CHRM3: variants seen among roughly 807,000 people sequenced by gnomAD.
CHRM3 encodes cholinergic receptor muscarinic 3.
Under a neutral mutation model 41.8 loss-of-function variants are expected in CHRM3, and 11 were observed. The observed-to-expected ratio is 0.26, with a 90% CI of 0.17 to 0.44. The LOEUF (loss-of-function observed/expected upper bound fraction) is 0.44, where lower values mean the gene tolerates loss of function less well. CHRM3 is among the 20% of genes least tolerant of loss of function. CHRM3 has a pLI of 1.00. For synonymous variants in CHRM3, 297 were observed against 301.4 expected (o/e 0.99, Z 0.15); for missense variants, 571 against 745.4 (o/e 0.77, Z 2.72).
chr1:239,829,295 C>T (rs907700310), intron 6 of CHRM3, among the ~76,000 whole-genome samples: 3 of 152,124 alleles, frequency 2.0e-5, no homozygotes, highest in African/African-American at 7.2e-5. Context: ...CTGTGCCTCT[C>T]CTACCAAAAG....
At chr1:239,413,570 G>A (rs1661275550) in intron 1 of CHRM3, among the ~76,000 whole-genome samples, 1 of 152,276 alleles carries the variant, frequency 6.6e-6, no homozygotes, top group East Asian at 1.9e-4. Context: ...TTACAGGCGT[G>A]AGCCACCACA....
chr1:239,543,830 G>A (rs1404645395), intron 2 of CHRM3, among the ~76,000 whole-genome samples: 2 of 152,014 alleles, frequency 1.3e-5, no homozygotes, highest in Non-Finnish European at 2.9e-5. Context: ...TTTATAAGGG[G>A]TCAGATAGGA....
intron 5 of CHRM3, among the ~76,000 whole-genome samples, chr1:239,762,785 A>G (rs531403846): frequency 1.1e-3 from 160 of 152,344 alleles, no homozygotes; most frequent in African/African-American, 3.6e-3. Flanking sequence ...AAATGAAACT[A>G]CAAGGTATTT....
chr1:239,519,852 A>G (rs890861046), intron 2 of CHRM3, among the ~76,000 whole-genome samples: 5 of 140,766 alleles, frequency 3.6e-5, no homozygotes, highest in African/African-American at 5.4e-5. Context: ...GGTTCACGCC[A>G]TTCTCCTGCC....
intron 1 of CHRM3, among the ~76,000 whole-genome samples, chr1:239,423,053 C>T (rs549732708): frequency 2.6e-5 from 4 of 152,218 alleles, no homozygotes; most frequent in Admixed American, 6.5e-5. Context: ...TCTTTTCCTT[C>T]TTATCTGTCA....
intron 1 of CHRM3, among the ~76,000 whole-genome samples, chr1:239,459,200 C>T (rs1665177970): frequency 1.3e-5 from 2 of 151,954 alleles, no homozygotes; most frequent in African/African-American, 4.8e-5. Flanking sequence ...AATCTGGAGT[C>T]CTTTTTGTCC....
rs75767152 is a variant in CHRM3 at position 239,630,759 on chromosome 1, C to A, written c.-312-1465C>A. On this transcript the variant is annotated intron_variant, in intron 3 of 6. Coordinates refer to ENST00000676153, the MANE Select transcript of CHRM3 (RefSeq NM_001375978.1). ...TGTTAGTGGAAAGAGTCAGACAGAG[C>A]TGATTTCAAGTTGTGACCCATGGTC... Among the ~76,000 whole-genome samples the A allele has an allele frequency of 5.5e-3, 840 of 152,280 alleles. 10 individuals are homozygous for A. Among genetic ancestry groups the A allele is most frequent in the African/African-American group, 0.019 (799 of 41,560 alleles).
At chr1:239,806,027 C>G (rs1358416910) in intron 5 of CHRM3, among the ~76,000 whole-genome samples, 1 of 152,122 alleles carries the variant, frequency 6.6e-6, no homozygotes, top group African/African-American at 2.4e-5. Flanking sequence ...TTTTGATTCC[C>G]TAGTCTGTGG....
intron 4 of CHRM3, among the ~76,000 whole-genome samples, chr1:239,671,443 G>T (rs937676310): frequency 2.0e-5 from 3 of 152,140 alleles, no homozygotes; most frequent in African/African-American, 7.2e-5. Context: ...ACATGGTGGT[G>T]CACTCTATAG....
chr1:239,641,305 A>C (rs1450760965), intron 4 of CHRM3, among the ~76,000 whole-genome samples: 1 of 151,610 alleles, frequency 6.6e-6, no homozygotes, highest in African/African-American at 2.4e-5. Context: ...GCTGAGTTCA[A>C]TTCCTGGATA....
chr1:239,907,727 A>G lies in CHRM3; in HGVS notation c.276A>G (p.Ser92=). The change falls in exon 7 of 7, where the codon TCA becomes TCG. Residue 92 remains serine, a synonymous_variant. Transcript: ENST00000676153. The surrounding 1 kb of genome is among the most constrained non-coding windows in gnomAD (Gnocchi z 5.4). The part of the protein sequence containing the change: ...TIIGNILVIV[S]FKVNKQLKTV... ...TCGGCAACATCCTGGTAATTGTGTC[A>G]TTTAAGGTCAACAAGCAGCTGAAGA... The G allele has an allele frequency of 2.5e-6, 4 of 1,614,170 alleles. No homozygotes were observed. Among genetic ancestry groups the G allele is most frequent in the Non-Finnish European group, 3.4e-6 (4 of 1,180,034 alleles).
chr1:239,810,505 G>A (rs778385332), intron 5 of CHRM3, among the ~76,000 whole-genome samples: 1 of 152,204 alleles, frequency 6.6e-6, no homozygotes, highest in Non-Finnish European at 1.5e-5. Context: ...AACAAGCCTG[G>A]AGGACTGAGA....
At chr1:239,883,213 C>G (rs1191003814) in intron 6 of CHRM3, among the ~76,000 whole-genome samples, 1 of 152,174 alleles carries the variant, frequency 6.6e-6, no homozygotes, top group Non-Finnish European at 1.5e-5. Flanking sequence ...GAAACAACAT[C>G]TCTCAGCCGT....
intron 3 of CHRM3, among the ~76,000 whole-genome samples, chr1:239,600,001 G>C (rs1033124398): frequency 2.6e-5 from 4 of 152,060 alleles, no homozygotes; most frequent in African/African-American, 9.7e-5. Flanking sequence ...TGTAAGAACT[G>C]ATTTCTCCCT....
At chr1:239,408,577 A>G (rs1022672758) in intron 1 of CHRM3, among the ~76,000 whole-genome samples, 3 of 150,322 alleles carry the variant, frequency 2.0e-5, no homozygotes, top group African/African-American at 7.3e-5. Flanking sequence ...AGTCTTGGGT[A>G]TGTCCTTATA....
chr1:239,824,023 G>GCTGTGACTCGGGAGCATGTGC (rs1216653440), intron 5 of CHRM3, among the ~76,000 whole-genome samples: 1 of 151,970 alleles, frequency 6.6e-6, no homozygotes, highest in African/African-American at 2.4e-5. Context: ...TGTGCCTGTG[G>GCTGTGACTCGGGAGCATGTGC]CTGTGACTCG....
At position 239,387,357 on chromosome 1, in the gene CHRM3, T is replaced by TG. The variant is rs1474229521; in HGVS notation, c.-521+132dup. The TG allele has an allele frequency of 6.6e-6, 1 of 151,852 alleles. No individual in the cohort carries two copies. The highest frequency in any genetic ancestry group is 1.5e-5 in the Non-Finnish European group (1 of 68,026). The allele number at this position is 151,852 out of a possible 1,614,324, so 9.4% of individuals were successfully genotyped here. ...GCGCGGGTAGGAGAGGTCTTGTGTTTGGAGTCCAAAGAAGGGGCTGGGTAG... is the reference window on the plus strand; with the variant it reads ...GCGCGGGTAGGAGAGGTCTTGTGTTTGGGAGTCCAAAGAAGGGGCTGGGTAG... On this transcript the variant is annotated intron_variant, in intron 1 of 6. Transcript: ENST00000676153. This position sits in a 1 kb window ranked among gnomAD's most constrained non-coding sequence, Gnocchi z 5.1.
Position 239,575,405 on chromosome 1 carries a change from T to C in CHRM3, c.-313+29656T>C, listed in dbSNP as rs1047374479. Among the ~76,000 whole-genome samples, 56 of 152,318 alleles carry C rather than the reference T, an allele frequency of 3.7e-4. 1 individual carries two copies. The highest frequency in any genetic ancestry group is 1.3e-3 in the African/African-American group (53 of 41,570). Reference sequence around the variant, plus strand: ...ATGAAGAGAGTGAAACTTCAAGTCCTAATAAAGCTCAGGGACAACCCAAAT... The same window carrying C: ...ATGAAGAGAGTGAAACTTCAAGTCCCAATAAAGCTCAGGGACAACCCAAAT... On this transcript the variant is annotated intron_variant, in intron 3 of 6. Transcript: ENST00000676153.
intron 6 of CHRM3, among the ~76,000 whole-genome samples, chr1:239,858,649 A>G (rs868170865): frequency 1.6e-4 from 25 of 152,096 alleles, no homozygotes; most frequent in African/African-American, 5.8e-4. Flanking sequence ...AGTGTACACA[A>G]TTCAGTGGCA....
Sources: gnomAD v4.1 joint callset for allele counts (sites outside exome capture counted in the v4.1 genomes callset) on GRCh38, gnomAD v4.1.1 for gene constraint, Gnocchi (gnomAD v3.1) non-coding constraint, MANE v1.5 for transcripts, NCBI Gene and HGNC (gene_info 2026-07-23, HGNC 2026-07-21) for gene names.